Variants in FKBP14 observed in about 807,000 individuals in gnomAD.
FKBP14 encodes the protein peptidyl-prolyl cis-trans isomerase FKBP14.
Under a neutral mutation model 21.6 loss-of-function variants are expected in FKBP14, and 20 were observed. That is an observed-to-expected ratio of 0.92 (90% CI 0.65 to 1.34). The LOEUF is 1.34. Ranked by LOEUF, FKBP14 falls within the 40% of genes most tolerant of loss-of-function variation. The probability of loss-of-function intolerance (pLI) is 0.00; values close to 1 mark genes in which losing one functional copy is unlikely to be tolerated. For synonymous variants in FKBP14, 79 were observed against 86.7 expected (o/e 0.91, Z 0.49); for missense variants, 253 against 249.0 (o/e 1.02, Z -0.11).
intron 3 of FKBP14, among the ~76,000 whole-genome samples, chr7:30,017,573 A>G (rs1164322488): frequency 6.6e-6 from 1 of 152,000 alleles, no homozygotes; most frequent in Non-Finnish European, 1.5e-5. Context: ...GTCTAAAAAA[A>G]AAAAAAACAG....
In FKBP14 at chr7:30,022,772, A is replaced by G; in HGVS notation, c.242T>C (p.Ile81Thr). 5 of 1,614,182 alleles carry G rather than the reference A, an allele frequency of 3.1e-6. No individual in the cohort carries two copies. The highest frequency in any genetic ancestry group is 1.7e-5 in the Admixed American group (1 of 60,030). ...NGQPIWFTLG[I>T]LEALKGWDQG... ...GTCCCAACCTTTGAGAGCCTCCAGG[A>G]TGCCCAGGGTAAACCAAATGGGCTG... The change falls in exon 2 of 4, where the codon ATC becomes ACC. Residue 81 changes from isoleucine (I) to threonine (T), a missense_variant. Physicochemically the swap from Ile to Thr is moderately conservative, Grantham distance 89. Transcript: ENST00000222803.
intron 1 of FKBP14, among the ~76,000 whole-genome samples, chr7:30,024,134 AAG>A (rs1790109681): frequency 6.9e-6 from 1 of 144,214 alleles, no homozygotes; most frequent in South Asian, 2.3e-4. Context: ...AGGTGAGAAA[AAG>A]AAGTCACTGT....
chr7:30,023,637 TATAAAG>T (rs1790093641), intron 1 of FKBP14, among the ~76,000 whole-genome samples: 1 of 152,142 alleles, frequency 6.6e-6, no homozygotes, highest in African/African-American at 2.4e-5. Flanking sequence ...CTGGGTAACT[TATAAAG>T]AAAAGGAGGT....
At chr7:30,008,154 T>C (rs1200389233), downstream of FKBP14, 1 of 152,190 alleles carries the variant, frequency 6.6e-6, no homozygotes, top group Non-Finnish European at 1.5e-5. Flanking sequence ...GATTCTGCCA[T>C]GCACTAAAAT....
chr7:30,012,360 T>C lies in FKBP14; in HGVS notation c.*2375A>G, dbSNP rs538965979. The C allele has an allele frequency of 2.6e-5, 4 of 152,394 alleles. No homozygotes were observed. The highest frequency in any genetic ancestry group is 9.6e-5 in the African/African-American group (4 of 41,608). 9.4% of individuals were successfully genotyped at this position (152,394 alleles called of 1,614,324 possible). A position where few individuals can be genotyped will look rare whatever the true frequency, so the allele number is the denominator to read the frequency against. ...TGAATAATCAAAACTCTTTTTACTT[T>C]TCTTGCCCTACTATAGATAGCATCA... On this transcript the variant is annotated 3_prime_UTR_variant, in exon 4 of 4. Coordinates refer to ENST00000222803, the MANE Select transcript of FKBP14 (RefSeq NM_017946.4).
intron 2 of FKBP14, among the ~76,000 whole-genome samples, chr7:30,021,643 C>T (rs948725751): frequency 6.6e-6 from 1 of 151,860 alleles, no homozygotes; most frequent in African/African-American, 2.4e-5. Context: ...GCAACCTCTG[C>T]CTCACATGTT....
In FKBP14 at chr7:30,011,018, T is replaced by A. The variant is rs912019681; in HGVS notation, c.*3717A>T. The A allele has an allele frequency of 6.6e-6, 1 of 152,112 alleles. No homozygotes were observed. The highest frequency in any genetic ancestry group is 2.4e-5 in the African/African-American group (1 of 41,432). 9.4% of individuals were successfully genotyped at this position (152,112 alleles called of 1,614,324 possible). ...ATTTACAGTAAGCTAAGGTTAGTTT[T>A]TTATTATTTCTATAAAAATTATAGA... On this transcript the variant is annotated 3_prime_UTR_variant, in exon 4 of 4. Coordinates refer to ENST00000222803, the MANE Select transcript of FKBP14 (RefSeq NM_017946.4).
chr7:30,026,241 T>C, intron 1 of FKBP14, 71 bp downstream of exon 1: 1 of 1,424,044 alleles, frequency 7.0e-7, no homozygotes, highest in Non-Finnish European at 9.5e-7. Flanking sequence ...AGGCCACCTT[T>C]CCTGCTGGAG....
intron 1 of FKBP14, among the ~76,000 whole-genome samples, chr7:30,023,581 T>C (rs1201793485): frequency 1.3e-5 from 2 of 152,170 alleles, no homozygotes; most frequent in Admixed American, 1.3e-4. Flanking sequence ...CCTCAAGGAC[T>C]GGTGTGTTAG....
At position 30,022,665 on chromosome 7, in the gene FKBP14, C is replaced by A. The variant is rs752455232; in HGVS notation, c.349G>T (p.Gly117Cys). ...PALGYGKEGK[G>C]KIPPESTLIF... ...AAGAAAAATACAGAAATACTATTAC[C>A]TTTTCCTTCTTTTCCATAGCCCAGA... The change falls in exon 2 of 4, where the codon GGT (glycine) becomes TGT (cysteine). Residue 117 changes from glycine to cysteine, a missense_variant and splice_region_variant. Gly to Cys is a radical substitution (Grantham distance 159, BLOSUM62 -3). Coordinates refer to ENST00000222803, the MANE Select transcript of FKBP14 (RefSeq NM_017946.4). The A allele has an allele frequency of 3.7e-6, 6 of 1,610,390 alleles. No individual in the cohort carries two copies. In the South Asian group the frequency reaches 5.5e-5, roughly 15 times the overall value.
At chr7:30,016,746 C>T (rs1789895912) in intron 3 of FKBP14, among the ~76,000 whole-genome samples, 1 of 152,084 alleles carries the variant, frequency 6.6e-6, no homozygotes, top group African/African-American at 2.4e-5. Context: ...TTTTCAATTT[C>T]CCACAAGATT....
intron 1 of FKBP14, chr7:30,025,538 G>C (rs1790151202): frequency 6.6e-6 from 1 of 152,170 alleles, no homozygotes; most frequent in Non-Finnish European, 1.5e-5. Context: ...AATCTTCCTA[G>C]CACCCAGAAC....
At chr7:30,017,469 C>T (rs1280114628) in intron 3 of FKBP14, among the ~76,000 whole-genome samples, 3 of 151,262 alleles carry the variant, frequency 2.0e-5, no homozygotes, top group South Asian at 2.1e-4. Context: ...CCTGGCAGGC[C>T]GAGGCAGGAG....
At chr7:30,010,170 G>A (rs188965503), downstream of FKBP14, among the ~76,000 whole-genome samples, 5 of 152,148 alleles carry the variant, frequency 3.3e-5, no homozygotes, top group East Asian at 5.8e-4. Flanking sequence ...CCCGCATTTC[G>A]TTTAATCAGA....
rs1328713058 is a variant in FKBP14, at chr7:30,026,679, G to T, written c.-171C>A. The T allele has an allele frequency of 6.8e-6, 4 of 586,856 alleles. No individual in the cohort carries two copies. The highest frequency in any genetic ancestry group is 1.2e-5 in the Non-Finnish European group (4 of 343,532). 36.4% of individuals were successfully genotyped at this position (586,856 alleles called of 1,614,324 possible). ...CACCAACTCTTTTCTCAAGGGTCAC[G>T]AACCTACCTTTAAAGAGTTAAGCCC... is the stretch of plus-strand genomic sequence containing the variant. On this transcript the variant is annotated 5_prime_UTR_variant, in exon 1 of 4. Transcript: ENST00000222803.
intron 2 of FKBP14, 129 bp downstream of exon 2, chr7:30,022,536 G>T: frequency 2.3e-6 from 2 of 871,496 alleles, no homozygotes; most frequent in Non-Finnish European, 1.7e-6. Context: ...TAATACAGTT[G>T]CTAAAGGAAT....
chr7:30,024,379 T>C (rs1407577582), intron 1 of FKBP14, among the ~76,000 whole-genome samples: 1 of 152,164 alleles, frequency 6.6e-6, no homozygotes, highest in East Asian at 1.9e-4. Context: ...ATGGCAAACG[T>C]GCTTACAAAC....
chr7:30,008,039 ACT>A (rs373010253), downstream of FKBP14, among the ~76,000 whole-genome samples: 245 of 152,256 alleles, frequency 1.6e-3, no homozygotes, highest in African/African-American at 5.1e-3. Context: ...ACAAAGCAGG[ACT>A]CTGTCTCAAC....
At chr7:30,019,391 A>G (rs1183912204) in intron 2 of FKBP14, among the ~76,000 whole-genome samples, 1 of 152,166 alleles carries the variant, frequency 6.6e-6, no homozygotes, top group African/African-American at 2.4e-5. Flanking sequence ...ATATACATAC[A>G]TAGAGATGTA....
Sources: gnomAD v4.1 joint callset for allele counts (sites outside exome capture counted in the v4.1 genomes callset) on GRCh38, gnomAD v4.1.1 for gene constraint, MANE v1.5 for transcripts, NCBI Gene and HGNC (gene_info 2026-07-23, HGNC 2026-07-21) for gene names.